Variants in OR2L13 observed in about 807,000 individuals in gnomAD.
OR2L13 encodes olfactory receptor family 2 subfamily L member 13.
A neutral mutation model predicts 15.3 loss-of-function variants in OR2L13; 14 were observed. The observed-to-expected ratio is 0.91, with a 90% CI of 0.60 to 1.43. The LOEUF is 1.43. Among genes scored for constraint, OR2L13 ranks in the 40% most tolerant of loss-of-function variants. OR2L13 has a pLI of 0.00. For synonymous variants in OR2L13, 152 were observed against 142.9 expected, an observed-to-expected ratio of 1.06 and a Z score of -0.45; for missense variants, 367 against 387.9, an observed-to-expected ratio of 0.95 and a Z score of 0.45.
chr1:247,994,456 C>G, the OR2L13 span, among the ~76,000 whole-genome samples: 2 of 152,146 alleles, frequency 1.3e-5, no homozygotes, highest in Admixed American at 1.3e-4. Flanking sequence ...TAGCCTAACA[C>G]TACAAGTCTT....
chr1:248,055,575 G>A, the OR2L13 span, among the ~76,000 whole-genome samples: 1 of 152,124 alleles, frequency 6.6e-6, no homozygotes, highest in Admixed American at 6.6e-5. Flanking sequence ...GGCCAACTTC[G>A]TGAAACCCTA....
the OR2L13 span, among the ~76,000 whole-genome samples, chr1:248,017,442 T>G: frequency 6.6e-6 from 1 of 152,184 alleles, no homozygotes; most frequent in Admixed American, 6.5e-5. Flanking sequence ...GTTCAAGAGA[T>G]ATCGTAACGT....
At chr1:248,030,933 C>T in the OR2L13 span, among the ~76,000 whole-genome samples, 1 of 152,156 alleles carries the variant, frequency 6.6e-6, no homozygotes, top group Non-Finnish European at 1.5e-5. Flanking sequence ...AAAATATCCT[C>T]AGAAATTTTT....
chr1:247,990,787 A>C, the OR2L13 span: 1,895 of 1,602,894 alleles, frequency 1.2e-3, 25 homozygotes, highest in African/African-American at 0.018. Flanking sequence ...CAGAGCCATC[A>C]ATCATTTTTT....
chr1:247,958,459 C>G, the OR2L13 span, among the ~76,000 whole-genome samples: 2 of 152,048 alleles, frequency 1.3e-5, 1 homozygote, highest in South Asian at 4.1e-4. Context: ...CTATTAGGTC[C>G]GCTTGGTGCA....
the OR2L13 span, among the ~76,000 whole-genome samples, chr1:247,994,167 C>T: frequency 2.0e-5 from 3 of 152,026 alleles, no homozygotes; most frequent in South Asian, 2.1e-4. Flanking sequence ...GAGGCCGAGG[C>T]GGGCGGATCA....
chr1:247,973,614 G>A, the OR2L13 span, among the ~76,000 whole-genome samples: 3 of 151,998 alleles, frequency 2.0e-5, no homozygotes, highest in South Asian at 2.1e-4. Context: ...AAAAGTGGGC[G>A]AAGGATATGA....
chr1:248,038,376 G>A, the OR2L13 span: 1 of 1,613,034 alleles, frequency 6.2e-7, no homozygotes, highest in South Asian at 1.1e-5. Context: ...TTTCCTAATG[G>A]CTCTAATTGG....
the OR2L13 span, among the ~76,000 whole-genome samples, chr1:248,009,445 C>T: frequency 6.6e-6 from 1 of 152,142 alleles, no homozygotes; most frequent in Non-Finnish European, 1.5e-5. Context: ...AATTCCTGGA[C>T]ATATACACCC....
the OR2L13 span, chr1:248,046,880 G>A: frequency 6.6e-5 from 10 of 152,136 alleles, no homozygotes; most frequent in South Asian, 6.2e-4. Context: ...AAATAATAAA[G>A]GTACTAATTA....
the OR2L13 span, chr1:248,003,418 TG>T: frequency 1.2e-6 from 2 of 1,609,884 alleles, no homozygotes; most frequent in Non-Finnish European, 1.7e-6. Context: ...TCACTGGGTG[TG>T]GGATTCAGAG....
chr1:248,084,538 C>T, the OR2L13 span: 2 of 1,612,888 alleles, frequency 1.2e-6, no homozygotes, highest in African/African-American at 1.3e-5. Flanking sequence ...TTGGTGGGCT[C>T]TGGTGTGGTT....
At chr1:248,067,702 C>T in the OR2L13 span, among the ~76,000 whole-genome samples, 1 of 152,212 alleles carries the variant, frequency 6.6e-6, no homozygotes, top group Non-Finnish European at 1.5e-5. Context: ...CATTGCCTCA[C>T]TCAGGAAGCA....
the OR2L13 span, among the ~76,000 whole-genome samples, chr1:247,964,803 G>A: frequency 6.7e-6 from 1 of 149,524 alleles, no homozygotes; most frequent in African/African-American, 2.4e-5. Context: ...ATGTATTGCT[G>A]TACACATACA....
chr1:247,964,618 C>G, the OR2L13 span, among the ~76,000 whole-genome samples: 1 of 151,856 alleles, frequency 6.6e-6, no homozygotes, highest in Admixed American at 6.6e-5. Flanking sequence ...ATATTTAATA[C>G]TCTATTTTAT....
At chr1:248,018,351 T>A in the OR2L13 span, among the ~76,000 whole-genome samples, 2 of 152,182 alleles carry the variant, frequency 1.3e-5, no homozygotes, top group Non-Finnish European at 2.9e-5. Context: ...ATGATAGAAA[T>A]GTTTGGAATG....
chr1:248,077,006 G>C, the OR2L13 span, among the ~76,000 whole-genome samples: 7 of 152,156 alleles, frequency 4.6e-5, no homozygotes, highest in Non-Finnish European at 7.3e-5. Context: ...ATTATTTTGA[G>C]ATACGTCCCA....
At chr1:248,043,334 G>T in the OR2L13 span, among the ~76,000 whole-genome samples, 2 of 152,152 alleles carry the variant, frequency 1.3e-5, no homozygotes, top group Non-Finnish European at 2.9e-5. Flanking sequence ...ATACATAAAG[G>T]ATGGTAAGTA....
At chr1:248,081,561 C>T in the OR2L13 span, among the ~76,000 whole-genome samples, 3 of 151,822 alleles carry the variant, frequency 2.0e-5, no homozygotes, top group Non-Finnish European at 2.9e-5. Context: ...ATGAAATTTC[C>T]GCGACAACAT....
Sources: allele counts gnomAD v4.1 joint callset (sites outside exome capture counted in the v4.1 genomes callset), GRCh38; gene constraint gnomAD v4.1.1; transcripts MANE v1.5; gene names NCBI Gene and HGNC (gene_info 2026-07-23, HGNC 2026-07-21).